The following PLB1 variants were observed in gnomAD, a reference collection of about 807,000 sequenced individuals.
The protein encoded by PLB1 is phospholipase B1, membrane-associated.
A neutral mutation model predicts 227.4 loss-of-function variants in PLB1; 242 were observed. That is an observed-to-expected ratio of 1.06 (90% CI 0.96 to 1.18). The LOEUF (loss-of-function observed/expected upper bound fraction) is 1.18, where lower values mean the gene tolerates loss of function less well. Ranked by LOEUF, PLB1 falls within the 50% of genes most tolerant of loss-of-function variation. PLB1 has a pLI of 0.00. For synonymous variants in PLB1, 757 were observed against 682.2 expected, an observed-to-expected ratio of 1.11 and a Z score of -1.71; for missense variants, 1,858 against 1,816.3, an observed-to-expected ratio of 1.02 and a Z score of -0.42.
chr2:28,553,763 T>C (rs1168787773), intron 17 of PLB1, among the ~76,000 whole-genome samples: 1 of 152,250 alleles, frequency 6.6e-6, no homozygotes, highest in African/African-American at 2.4e-5. Flanking sequence ...TAGAGGATTG[T>C]TGAGTGCCTC....
rs1284222384 is a variant in PLB1 at position 28,643,073 on chromosome 2, G to A, written c.*12G>A. The A allele has an allele frequency of 1.9e-6, 3 of 1,582,464 alleles. No homozygotes were observed. The highest frequency in any genetic ancestry group is 8.6e-7 in the Non-Finnish European group (1 of 1,163,718). The stretch of plus-strand genomic sequence containing the variant: ...CTGTGGCCCTCTAGGCCCGGGGGTG[G>A]GTCCTCACCCTAAACTCCCTATAGC... On this transcript the variant is annotated 3_prime_UTR_variant, in exon 58 of 58. Transcript: ENST00000327757.
intron 17 of PLB1, 40 bp downstream of exon 17, chr2:28,553,031 G>C (rs746641446): frequency 2.6e-6 from 4 of 1,567,244 alleles, no homozygotes; most frequent in Non-Finnish European, 3.5e-6. Context: ...ATTCATTCGA[G>C]GCCTGAAATC....
intron 52 of PLB1, 125 bp downstream of exon 52, chr2:28,628,753 G>T: frequency 2.1e-6 from 2 of 952,982 alleles, no homozygotes; most frequent in East Asian, 2.5e-5. Context: ...CTGGATGGCA[G>T]GGAGGGAGGT....
chr2:28,518,415 A>G (rs374372743), intron 2 of PLB1, 51 bp from the exon 3 acceptor site: 2 of 1,397,266 alleles, frequency 1.4e-6, no homozygotes, highest in South Asian at 1.2e-5. Flanking sequence ...AGGACCTGCA[A>G]TATTTCTATA....
rs1355978651 is a variant in PLB1, at chr2:28,604,656, G to A, written c.2858G>A (p.Ser953Asn). The change falls in exon 41 of 58, where the codon AGC (serine) becomes AAC (asparagine). Residue 953 changes from serine to asparagine, a missense_variant and splice_region_variant. By Grantham distance (46) the Ser-to-Asn change is conservative (BLOSUM62 1). Transcript: ENST00000327757. The stretch of plus-strand genomic sequence containing the variant: ...AAGACCCTGTGCATGTGTCCCCAGA[G>A]CAGCATGCGCGAGCTGGTGGGGTCA... ...RLEAFSRAYRSSMRELVGSGR... is the reference protein window; with the variant it reads ...RLEAFSRAYRNSMRELVGSGR... 6 of 1,613,926 alleles carry A rather than the reference G, an allele frequency of 3.7e-6. No individual in the cohort carries two copies. Among genetic ancestry groups the A allele is most frequent in the African/African-American group, 1.3e-5 (1 of 75,032 alleles).
Position 28,496,156 on chromosome 2 carries a change from G to T in PLB1, c.42G>T (p.Leu14=). 6.2e-7 allele frequency: 1 copy of T among 1,614,072 alleles called. No individual in the cohort carries two copies. Among genetic ancestry groups the T allele is most frequent in the South Asian group, 1.1e-5 (1 of 91,082 alleles). Residue 14 remains leucine (L), a synonymous_variant, in exon 1 of 58, where the codon CTG becomes CTT. Coordinates refer to ENST00000327757, the MANE Select transcript of PLB1 (RefSeq NM_153021.5). ...RPGIFLLELL[L]LLGQGTPQIH... is the part of the protein sequence containing the mutation. ...GCATTTTCCTCCTGGAGCTGCTGCT[G>T]CTTCTGGGGCAAGGTAAGCGTGCCT...
intron 8 of PLB1, 60 bp downstream of exon 8, chr2:28,529,839 G>T: frequency 2.0e-6 from 3 of 1,531,510 alleles, no homozygotes; most frequent in South Asian, 2.2e-5. Flanking sequence ...AAGGCGGGCA[G>T]ACCGAAGTGA....
At chr2:28,603,817 A>G in intron 39 of PLB1, 149 bp from the exon 40 acceptor site, 1 of 695,206 alleles carries the variant, frequency 1.4e-6, no homozygotes, top group South Asian at 1.7e-5. Flanking sequence ...CCTGCCCCTG[A>G]GCATGTGCGC....
chr2:28,518,298 A>G (rs1277470933), intron 2 of PLB1, among the ~76,000 whole-genome samples, 168 bp from the exon 3 acceptor site: 1 of 152,244 alleles, frequency 6.6e-6, no homozygotes, highest in Non-Finnish European at 1.5e-5. Flanking sequence ...CGCTTTTACC[A>G]GATGAACTGG....
At chr2:28,548,553 C>T (rs1206989823) in intron 14 of PLB1, 3 of 497,444 alleles carry the variant, frequency 6.0e-6, no homozygotes, top group African/African-American at 5.9e-5. Flanking sequence ...TGCAGCTTTT[C>T]CTTCTAGGAG....
At chr2:28,637,208 G>A (rs568582204) in intron 56 of PLB1, among the ~76,000 whole-genome samples, 3 of 150,378 alleles carry the variant, frequency 2.0e-5, no homozygotes, top group Admixed American at 6.7e-5. Flanking sequence ...CAGGAAAATC[G>A]CTTGAAACCA....
intron 21 of PLB1, among the ~76,000 whole-genome samples, chr2:28,575,999 T>C (rs2148260158): frequency 6.6e-6 from 1 of 152,288 alleles, no homozygotes; most frequent in South Asian, 2.1e-4. Flanking sequence ...GGAAAGACAG[T>C]TGTAAGCATG....
At chr2:28,567,574 A>C (rs920193536) in intron 20 of PLB1, among the ~76,000 whole-genome samples, 3 of 144,752 alleles carry the variant, frequency 2.1e-5, no homozygotes, top group Admixed American at 7.2e-5. Flanking sequence ...CCCTGGTTCA[A>C]GCGATTCTCC....
At chr2:28,546,074 C>T in intron 14 of PLB1, among the ~76,000 whole-genome samples, 1 of 124,586 alleles carries the variant, frequency 8.0e-6, no homozygotes, top group Non-Finnish European at 1.9e-5. Context: ...CACCCATCAG[C>T]ATGGGAGGTG....
At chr2:28,589,339 T>A (rs899773775) in intron 26 of PLB1, 111 bp from the exon 27 acceptor site, 16 of 798,052 alleles carry the variant, frequency 2.0e-5, no homozygotes, top group Non-Finnish European at 3.3e-5. Context: ...CCAGGTTGAT[T>A]TCACTCAACA....
chr2:28,599,393 C>T (rs190584406), intron 35 of PLB1, among the ~76,000 whole-genome samples: 27 of 152,326 alleles, frequency 1.8e-4, no homozygotes, highest in Admixed American at 9.8e-4. Flanking sequence ...ATGTCATCTT[C>T]TTGCTCAGGC....
intron 45 of PLB1, 63 bp downstream of exon 45, chr2:28,617,850 G>T (rs922333394): frequency 1.7e-5 from 26 of 1,495,094 alleles, no homozygotes; most frequent in Admixed American, 1.0e-4. Flanking sequence ...GTTGTGGGGA[G>T]ACCCTGCAAA....
chr2:28,556,896 A>G (rs1479171029), intron 17 of PLB1, among the ~76,000 whole-genome samples: 1 of 152,204 alleles, frequency 6.6e-6, no homozygotes, highest in Non-Finnish European at 1.5e-5. Context: ...GATTTGACCC[A>G]TTTGGCTAAA....
chr2:28,499,943 T>A (rs1220252823), intron 1 of PLB1, among the ~76,000 whole-genome samples: 6 of 152,172 alleles, frequency 3.9e-5, no homozygotes, highest in Non-Finnish European at 8.8e-5. Context: ...CTAATGGCTT[T>A]TTTTGTAGAT....
Sources: allele counts gnomAD v4.1 joint callset (sites outside exome capture counted in the v4.1 genomes callset), GRCh38; gene constraint gnomAD v4.1.1; transcripts MANE v1.5; gene names NCBI Gene and HGNC (gene_info 2026-07-23, HGNC 2026-07-21).